RANBP10: variants seen among roughly 807,000 people sequenced by gnomAD.
RANBP10 encodes ran-binding protein 10.
Under a neutral mutation model 72.8 loss-of-function variants are expected in RANBP10, and 24 were observed. The ratio of observed to expected loss-of-function variants is 0.33; its 90% CI spans 0.24 to 0.46. RANBP10 has a LOEUF of 0.46. RANBP10 is among the 20% of genes least tolerant of loss of function. The pLI is 1.00. For synonymous variants in RANBP10, 310 were observed against 322.3 expected (o/e 0.96, Z 0.41); for missense variants, 679 against 817.5 (o/e 0.83, Z 2.07).
rs749267730 is a variant in RANBP10, at chr16:67,744,399, A to G, written c.457T>C (p.Ser153Pro). 1 of 1,614,214 alleles carries G rather than the reference A, an allele frequency of 6.2e-7. No homozygotes were observed. Among genetic ancestry groups the G allele is most frequent in the Non-Finnish European group, 8.5e-7 (1 of 1,180,026 alleles). ...GGACCATAGGGCTGGCCAGTCCCCG[A>G]GGAGCAGAACGAATGCCCATCATCA... ...HGDDGHSFCS[S>P]GTGQPYGPTF... Residue 153 changes from serine (S) to proline (P), a missense_variant, in exon 4 of 14, where the codon TCG becomes CCG. Coordinates refer to ENST00000317506, the MANE Select transcript of RANBP10 (RefSeq NM_020850.3).
intron 2 of RANBP10, among the ~76,000 whole-genome samples, chr16:67,793,677 AC>A (rs1202384322): frequency 2.0e-5 from 3 of 152,050 alleles, no homozygotes; most frequent in African/African-American, 7.2e-5. Flanking sequence ...AGCCTAGTCC[AC>A]CACTACATGA....
intron 2 of RANBP10, among the ~76,000 whole-genome samples, chr16:67,774,636 A>G (rs1021909269): frequency 1.3e-5 from 2 of 152,202 alleles, no homozygotes; most frequent in African/African-American, 4.8e-5. Flanking sequence ...TTTGGGCACC[A>G]TTCCACCTCT....
At chr16:67,741,357 A>G (rs532369704) in intron 4 of RANBP10, among the ~76,000 whole-genome samples, 1 of 152,244 alleles carries the variant, frequency 6.6e-6, no homozygotes, top group South Asian at 2.1e-4. Context: ...TCCACCCACT[A>G]CTGCACTGGA....
chr16:67,761,131 G>A (rs1157689357), intron 3 of RANBP10, among the ~76,000 whole-genome samples: 2 of 152,146 alleles, frequency 1.3e-5, no homozygotes, highest in Admixed American at 6.5e-5. Context: ...CCGTTCCTTG[G>A]TTTCACACCT....
chr16:67,787,093 G>A (rs903707017), intron 2 of RANBP10, among the ~76,000 whole-genome samples: 1 of 152,112 alleles, frequency 6.6e-6, no homozygotes, highest in African/African-American at 2.4e-5. Context: ...ACAAAAATTA[G>A]CCAGGCGTGG....
At chr16:67,800,502 C>T (rs1279129424) in intron 2 of RANBP10, among the ~76,000 whole-genome samples, 2 of 152,204 alleles carry the variant, frequency 1.3e-5, no homozygotes, top group African/African-American at 4.8e-5. Context: ...GGGACACCCA[C>T]AGGTCCATGA....
intron 6 of RANBP10, among the ~76,000 whole-genome samples, chr16:67,733,790 G>A (rs1262159792): frequency 1.3e-5 from 2 of 152,150 alleles, no homozygotes; most frequent in Admixed American, 6.6e-5. Flanking sequence ...AACAAAGTGC[G>A]ACCCCATCTC....
intron 2 of RANBP10, among the ~76,000 whole-genome samples, chr16:67,798,412 T>C (rs1344971651): frequency 6.6e-6 from 1 of 152,090 alleles, no homozygotes; most frequent in Non-Finnish European, 1.5e-5. Context: ...GGCCTAAGCT[T>C]AGATGGTCCT....
chr16:67,729,885 C>G lies in RANBP10; in HGVS notation c.998+53G>C. Reference sequence around the variant, plus strand: ...TTGTGGTCCAGGTTGACGTTCCCACCACCAGCTGAGAGGGGCTGGACTCTG... The same window carrying G: ...TTGTGGTCCAGGTTGACGTTCCCACGACCAGCTGAGAGGGGCTGGACTCTG... On this transcript the variant is annotated intron_variant, in intron 8 of 13. Coordinates refer to ENST00000317506, the MANE Select transcript of RANBP10 (RefSeq NM_020850.3). The surrounding 1 kb of genome is among the most constrained non-coding windows in gnomAD (Gnocchi z 7.1). The G allele has an allele frequency of 1.9e-6, 3 of 1,613,476 alleles. No homozygotes were observed. The South Asian group carries it at 3.3e-5, about 18-fold the overall frequency.
At chr16:67,799,615 T>A (rs1277713394) in intron 2 of RANBP10, among the ~76,000 whole-genome samples, 1 of 152,122 alleles carries the variant, frequency 6.6e-6, no homozygotes, top group Admixed American at 6.6e-5. Context: ...GCACTGTTTC[T>A]TCTGCCTGAA....
intron 2 of RANBP10, among the ~76,000 whole-genome samples, chr16:67,775,141 G>A (rs969191702): frequency 1.3e-5 from 2 of 152,014 alleles, no homozygotes; most frequent in African/African-American, 2.4e-5. Context: ...GTGAAACACC[G>A]TCTCTACTAA....
In RANBP10 at chr16:67,782,210, G is replaced by A. The variant is rs1207210395; in HGVS notation, c.348-10124C>T. On this transcript the variant is annotated intron_variant, in intron 2 of 13. Transcript: ENST00000317506. ...AGCTGGAGTGCAATGGTGAGACCTT[G>A]CTCACTGCAACCTCTGCCTCCCAGG... Among the ~76,000 whole-genome samples, 3 of 152,274 alleles carry A rather than the reference G, an allele frequency of 2.0e-5. No homozygotes were observed. The East Asian group carries it at 5.8e-4, about 29-fold the overall frequency.
intron 2 of RANBP10, among the ~76,000 whole-genome samples, chr16:67,782,737 G>C (rs2054836497): frequency 6.6e-6 from 1 of 150,830 alleles, no homozygotes; most frequent in Admixed American, 6.6e-5. Context: ...ACAGGCATAA[G>C]CCACCGTGCT....
intron 2 of RANBP10, among the ~76,000 whole-genome samples, chr16:67,775,581 A>G (rs1393652349): frequency 1.3e-5 from 2 of 151,068 alleles, no homozygotes; most frequent in Non-Finnish European, 3.0e-5. Context: ...GGGAGGCTGA[A>G]GCAGGAAGAT....
intron 4 of RANBP10, among the ~76,000 whole-genome samples, chr16:67,742,031 T>C (rs2053979246): frequency 6.6e-6 from 1 of 151,814 alleles, no homozygotes; most frequent in Admixed American, 6.6e-5. Flanking sequence ...AATATCCATG[T>C]GGAAAAAATG....
At chr16:67,782,474 C>T (rs2054830779) in intron 2 of RANBP10, among the ~76,000 whole-genome samples, 3 of 150,996 alleles carry the variant, frequency 2.0e-5, no homozygotes, top group East Asian at 2.0e-4. Context: ...TTTTTAGAGA[C>T]GAAGTCTTGC....
chr16:67,795,860 T>TAAAC lies in RANBP10; in HGVS notation c.347+9564_347+9567dup, dbSNP rs147766666. On this transcript the variant is annotated intron_variant, in intron 2 of 13. Transcript: ENST00000317506. ...ACAGAGTGAGACTCCGTCTCAAAAA[T>TAAAC]AAACAAACAAACAAACAAACAAATG... 2.9e-4 allele frequency among the ~76,000 whole-genome samples: 43 copies of TAAAC among 148,016 alleles called. 1 individual carries two copies. The highest frequency in any genetic ancestry group is 6.2e-4 in the African/African-American group (25 of 40,234).
chr16:67,771,562 C>T (rs1158948687), intron 3 of RANBP10, among the ~76,000 whole-genome samples: 1 of 152,140 alleles, frequency 6.6e-6, no homozygotes, highest in Admixed American at 6.5e-5. Flanking sequence ...CCAGGCTGGT[C>T]TCGAACTCCT....
intron 2 of RANBP10, among the ~76,000 whole-genome samples, chr16:67,780,991 A>T (rs1335096857): frequency 6.6e-6 from 1 of 151,960 alleles, no homozygotes; most frequent in African/African-American, 2.4e-5. Flanking sequence ...CTCCAATCTC[A>T]CCTCTGCCAC....
Sources: allele counts gnomAD v4.1 joint callset (sites outside exome capture counted in the v4.1 genomes callset), GRCh38; gene constraint gnomAD v4.1.1; non-coding constraint Gnocchi (gnomAD v3.1); transcripts MANE v1.5; gene names NCBI Gene and HGNC (gene_info 2026-07-23, HGNC 2026-07-21).